Variants in SMG5 observed in about 807,000 individuals in gnomAD.
The protein encoded by SMG5 is nonsense-mediated mRNA decay factor SMG5.
SMG5 carries 53 observed loss-of-function variants against 122.9 expected under a neutral mutation model. The observed-to-expected ratio is 0.43, with a 90% CI of 0.35 to 0.54. The LOEUF is 0.54. SMG5 is among the 20% of genes least tolerant of loss of function. SMG5 has a pLI of 0.01. For missense variants in SMG5, 1,153 were observed against 1,285.6 expected (o/e 0.90, Z 1.58); for synonymous variants, 477 against 490.2 (o/e 0.97, Z 0.35).
At chr1:156,256,310 CT>C (rs533116327) in intron 16 of SMG5, among the ~76,000 whole-genome samples, 2,503 of 86,926 alleles carry the variant, frequency 0.029, 28 homozygotes, top group African/African-American at 0.035. Flanking sequence ...CATCTTCTCT[CT>C]TTTTTTTTTT....
intron 14 of SMG5, among the ~76,000 whole-genome samples, chr1:156,261,128 C>A (rs1661805580): frequency 6.6e-6 from 1 of 152,206 alleles, no homozygotes; most frequent in Non-Finnish European, 1.5e-5. Context: ...CCTTGCTGAC[C>A]AGGCCACCTG....
At position 156,272,575 on chromosome 1, in the gene SMG5, CTT is replaced by C. The variant is rs1267614409; in HGVS notation, c.635-179_635-178del. 2.6e-5 allele frequency among the ~76,000 whole-genome samples: 4 copies of C among 151,430 alleles called. No individual in the cohort carries two copies. In the South Asian group the frequency reaches 6.2e-4, roughly 24 times the overall value. ...TTTTCCTCTAGAGGATTACTGACCT[CTT>C]CTTTTTTTTTTTGGAGATGGAGTCT... On this transcript the variant is annotated intron_variant, in intron 6 of 21. Transcript: ENST00000361813.
intron 16 of SMG5, among the ~76,000 whole-genome samples, chr1:156,257,913 G>A (rs1661654429): frequency 6.6e-6 from 1 of 152,204 alleles, no homozygotes; most frequent in African/African-American, 2.4e-5. Flanking sequence ...CAATGTTCTG[G>A]TGCCACTTAG....
At chr1:156,262,459 G>C (rs1340633051) in intron 13 of SMG5, among the ~76,000 whole-genome samples, 1 of 141,250 alleles carries the variant, frequency 7.1e-6, no homozygotes, top group African/African-American at 2.7e-5. Flanking sequence ...CTGGGCGACA[G>C]AGCCAGACTC....
At chr1:156,253,902 C>G (rs1661465304) in intron 16 of SMG5, 1 of 287,066 alleles carries the variant, frequency 3.5e-6, no homozygotes, top group Admixed American at 4.2e-5. Context: ...CAAAATCTTC[C>G]AAATCTGCAG....
At chr1:156,285,551 A>C (rs557435761), upstream of SMG5, 4 of 1,614,194 alleles carry the variant, frequency 2.5e-6, no homozygotes, top group East Asian at 4.5e-5. Context: ...ACCACTTACC[A>C]AGCTAGAGGA....
Position 156,249,748 on chromosome 1 carries a change from C to A in SMG5, c.*839G>T, listed in dbSNP as rs566787516. ...AGGGGGGTGGTGGCCTCAGACTGCA[C>A]CCCCTTTCTTCTCTTCCTGGCATCC... On this transcript the variant is annotated 3_prime_UTR_variant, in exon 22 of 22. Transcript: ENST00000361813. 373 of 470,446 alleles carry A rather than the reference C, an allele frequency of 7.9e-4. 6 individuals are homozygous for A. Among genetic ancestry groups the A allele is most frequent in the South Asian group, 5.1e-3 (327 of 64,540 alleles). 29.1% of individuals were successfully genotyped at this position (470,446 alleles called of 1,614,324 possible).
In SMG5 at chr1:156,266,236, T is replaced by G. The variant is rs1479491451; in HGVS notation, c.1400A>C (p.Lys467Thr). The G allele has an allele frequency of 6.2e-7, 1 of 1,614,072 alleles. No homozygotes were observed. Among genetic ancestry groups the G allele is most frequent in the Non-Finnish European group, 8.5e-7 (1 of 1,180,016 alleles). The change falls in exon 12 of 22, where the codon AAA (lysine) becomes ACA (threonine). Residue 467 changes from lysine to threonine, a missense_variant. Physicochemically the swap from Lys to Thr is moderately conservative, Grantham distance 78 (BLOSUM62 -1). Coordinates refer to ENST00000361813, the MANE Select transcript of SMG5 (RefSeq NM_015327.3). The stretch of plus-strand genomic sequence containing the variant: ...ACTCAGGTCACTGTCATCACCAACT[T>G]TGGGTGGGTGGCGGCGACGGCGGAG... ...SCLRRRRHPPKVGDDSDLSEG... is the reference protein window; with the variant it reads ...SCLRRRRHPPTVGDDSDLSEG...
chr1:156,268,285 C>T lies in SMG5; in HGVS notation c.839+5G>A, dbSNP rs762840905. 4 of 1,614,074 alleles carry T rather than the reference C, an allele frequency of 2.5e-6. No homozygotes were observed. The South Asian group carries it at 3.3e-5, about 13-fold the overall frequency. On this transcript the variant is annotated splice_donor_5th_base_variant and intron_variant, in intron 8 of 21. Transcript: ENST00000361813. ...AAACCCGTCCTCCTCACAGGCCCCA[C>T]TCACCGCTTTTTGCCAGGAGACAGT...
intron 3 of SMG5, 123 bp downstream of exon 3, chr1:156,277,802 G>A (rs779721349): frequency 3.2e-4 from 426 of 1,310,868 alleles, no homozygotes; most frequent in Non-Finnish European, 4.2e-4. Flanking sequence ...ATGAGCCACC[G>A]TGCCCAGCCT....
At chr1:156,264,896 C>T (rs986442704) in intron 12 of SMG5, among the ~76,000 whole-genome samples, 3 of 152,008 alleles carry the variant, frequency 2.0e-5, no homozygotes, top group Middle Eastern at 3.4e-3. Flanking sequence ...CATGGTGGTG[C>T]GTGCCTCTAG....
chr1:156,279,849 T>C (rs1390834398), intron 1 of SMG5, among the ~76,000 whole-genome samples: 1 of 152,164 alleles, frequency 6.6e-6, no homozygotes. Flanking sequence ...TTGAACATAG[T>C]GGTTAAGAGT....
upstream of SMG5, chr1:156,285,712 C>T (rs767436591): frequency 6.2e-7 from 1 of 1,613,384 alleles, no homozygotes; most frequent in African/African-American, 1.3e-5. Flanking sequence ...TCATGCCCCC[C>T]CGGGTCACCC....
chr1:156,267,992 A>G, intron 9 of SMG5, 123 bp downstream of exon 9: 2 of 1,021,864 alleles, frequency 2.0e-6, no homozygotes, highest in South Asian at 3.0e-5. Context: ...GAAAGGATGA[A>G]TTGGTTACGG....
At chr1:156,267,301 C>T (rs867489009) in intron 10 of SMG5, among the ~76,000 whole-genome samples, 169 bp downstream of exon 10, 13 of 152,132 alleles carry the variant, frequency 8.5e-5, no homozygotes, top group African/African-American at 2.4e-4. Flanking sequence ...ATTACCAGGA[C>T]CTCCTTTAGG....
intron 16 of SMG5, among the ~76,000 whole-genome samples, chr1:156,255,628 G>A (rs1322643692): frequency 6.6e-6 from 1 of 152,144 alleles, no homozygotes; most frequent in East Asian, 1.9e-4. Flanking sequence ...GCTCATGCCT[G>A]TAATCCCAGC....
chr1:156,278,168 G>C (rs1662769338), intron 2 of SMG5, 120 bp from the exon 3 acceptor site: 1 of 1,297,226 alleles, frequency 7.7e-7, no homozygotes, highest in Non-Finnish European at 1.1e-6. Context: ...CTTCCCAAGA[G>C]ACATGCAGGG....
intron 4 of SMG5, among the ~76,000 whole-genome samples, chr1:156,276,649 T>G (rs1662698260): frequency 6.6e-6 from 1 of 152,222 alleles, no homozygotes. Context: ...TAGCTGCCAG[T>G]ACCTCAGCTG....
In SMG5 at chr1:156,266,381, C is replaced by G. The variant is rs540811306; in HGVS notation, c.1256-1G>C. The G allele has an allele frequency of 6.2e-7, 1 of 1,609,680 alleles. No homozygotes were observed. The highest frequency in any genetic ancestry group is 1.1e-5 in the South Asian group (1 of 90,898). On this transcript the variant is annotated splice_acceptor_variant, in intron 11 of 21. Coordinates refer to ENST00000361813, the MANE Select transcript of SMG5 (RefSeq NM_015327.3). LOFTEE classifies it high-confidence loss of function. ...ACAGGTTCCTTGGACTCTGGTTCAT[C>G]TGCGGAAAGAGGAAGGTCAGGTGGA... is the stretch of plus-strand genomic sequence containing the variant.
Sources: gnomAD v4.1 joint callset for allele counts (sites outside exome capture counted in the v4.1 genomes callset) on GRCh38, gnomAD v4.1.1 for gene constraint, MANE v1.5 for transcripts, NCBI Gene and HGNC (gene_info 2026-07-23, HGNC 2026-07-21) for gene names.